PIK3R1: variants seen among roughly 807,000 people sequenced by gnomAD.
PIK3R1 encodes the protein phosphoinositide-3-kinase regulatory subunit 1, also known as phosphatidylinositol 3-kinase regulatory subunit alpha.
In PIK3R1, 29 loss-of-function variants were observed where a neutral mutation model predicts 98.0. The ratio of observed to expected loss-of-function variants is 0.30; its 90% CI spans 0.22 to 0.40. The LOEUF (loss-of-function observed/expected upper bound fraction) is 0.40, where lower values mean the gene tolerates loss of function less well. PIK3R1 is among the 10% of genes least tolerant of loss of function. The pLI, the probability that PIK3R1 is intolerant of heterozygous loss-of-function variation, is 1.00. For missense variants in PIK3R1, 596 were observed against 872.7 expected (o/e 0.68, Z 3.99); for synonymous variants, 282 against 311.8 (o/e 0.90, Z 1.01).
chr5:68,262,808 TATACATGTAG>T (rs1183160750), intron 2 of PIK3R1, among the ~76,000 whole-genome samples: 2 of 64,802 alleles, frequency 3.1e-5, no homozygotes, highest in Admixed American at 1.3e-4. Context: ...TAGATACATG[TATACATGTAG>T]ATACATGTAG....
chr5:68,254,772 A>G (rs560675833), intron 2 of PIK3R1, among the ~76,000 whole-genome samples: 3 of 152,022 alleles, frequency 2.0e-5, no homozygotes, highest in African/African-American at 4.8e-5. Flanking sequence ...TGTTTCTTTT[A>G]GGTCTTAAAA....
At chr5:68,242,448 T>G (rs1191519924) in intron 2 of PIK3R1, among the ~76,000 whole-genome samples, 3 of 147,514 alleles carry the variant, frequency 2.0e-5, no homozygotes, top group Non-Finnish European at 3.0e-5. Context: ...GTTTAATGAT[T>G]TTATTGGAAG....
intron 2 of PIK3R1, among the ~76,000 whole-genome samples, chr5:68,244,412 C>G (rs1436828126): frequency 6.8e-6 from 1 of 146,184 alleles, no homozygotes; most frequent in Admixed American, 7.1e-5. Flanking sequence ...ACTCAGTGGT[C>G]CTTGTGAAAA....
chr5:68,273,092 C>A (rs1218164708), intron 2 of PIK3R1, among the ~76,000 whole-genome samples: 1 of 152,062 alleles, frequency 6.6e-6, no homozygotes, highest in Non-Finnish European at 1.5e-5. Flanking sequence ...CCTGCCACTC[C>A]CCCCACCTTT....
chr5:68,286,862 A>T (rs1172063396), intron 7 of PIK3R1, among the ~76,000 whole-genome samples: 5 of 152,198 alleles, frequency 3.3e-5, no homozygotes, highest in Non-Finnish European at 5.9e-5. Flanking sequence ...CTAGCTTTAG[A>T]AAGGCTATTT....
In PIK3R1 at chr5:68,226,743, A is replaced by G; in HGVS notation, c.68A>G (p.Asp23Gly). 1 of 1,614,182 alleles carries G rather than the reference A, an allele frequency of 6.2e-7. No individual in the cohort carries two copies. The highest frequency in any genetic ancestry group is 8.5e-7 in the Non-Finnish European group (1 of 1,180,004). Reference protein sequence around the residue: ...DYKKEREEDIDLHLGDILTVN... With the variant: ...DYKKEREEDIGLHLGDILTVN... ...AAAAAGGAAAGAGAAGAAGATATTGACTTGCACTTGGGTGACATATTGACT... is the reference window on the plus strand; with the variant it reads ...AAAAAGGAAAGAGAAGAAGATATTGGCTTGCACTTGGGTGACATATTGACT... The change falls in exon 2 of 16, where the codon GAC becomes GGC. Residue 23 changes from aspartate to glycine, a missense_variant. Physicochemically the swap from Asp to Gly is moderately conservative, Grantham distance 94. Coordinates refer to ENST00000521381, the MANE Select transcript of PIK3R1 (RefSeq NM_181523.3).
rs778058990 is a variant in PIK3R1, at chr5:68,295,170, T to C, written c.1591T>C (p.Leu531=). The change falls in exon 13 of 16, where the codon TTG becomes CTG. Residue 531 remains leucine (L), a synonymous_variant. Transcript: ENST00000521381. ...CAGGATTATGCATAATTATGATAAG[T>C]TGAAGTCTCGAATCAGTGAAATTAT... The part of the protein sequence containing the change: ...IQRIMHNYDK[L]KSRISEIIDS... 2.5e-6 allele frequency: 4 copies of C among 1,613,830 alleles called. No homozygotes were observed. The highest frequency in any genetic ancestry group is 1.3e-5 in the African/African-American group (1 of 74,888).
Position 68,299,160 on chromosome 5 carries a change from G to A in PIK3R1, c.*1559G>A, listed in dbSNP as rs933416649. On this transcript the variant is annotated 3_prime_UTR_variant, in exon 16 of 16. Transcript: ENST00000521381. ...GCGCTCACCTTTGTTTAGAACACTG[G>A]TTTAAAGGGATAATCATCTCTGTCA... 1 of 233,270 alleles carries A rather than the reference G, an allele frequency of 4.3e-6. No homozygotes were observed. The highest frequency in any genetic ancestry group is 2.2e-5 in the African/African-American group (1 of 45,262). 14.5% of individuals were successfully genotyped at this position (233,270 alleles called of 1,614,324 possible).
chr5:68,273,802 G>T (rs1746459991), intron 3 of PIK3R1, 137 bp from the exon 4 acceptor site: 1 of 724,586 alleles, frequency 1.4e-6, no homozygotes, highest in South Asian at 1.8e-5. Flanking sequence ...AATAGTAGGA[G>T]TTGACTTCCA....
chr5:68,238,882 G>T (rs980206966), intron 2 of PIK3R1, among the ~76,000 whole-genome samples: 2 of 150,888 alleles, frequency 1.3e-5, no homozygotes, highest in African/African-American at 2.4e-5. Flanking sequence ...TTCTATTTAA[G>T]AATAATGTTA....
rs1194400291 is a variant in PIK3R1 at position 68,237,271 on chromosome 5, G to T, written c.334+10262G>T. Among the ~76,000 whole-genome samples the T allele has an allele frequency of 2.0e-5, 3 of 152,206 alleles. No homozygotes were observed. In the East Asian group the frequency reaches 5.8e-4, roughly 29 times the overall value. On this transcript the variant is annotated intron_variant, in intron 2 of 15. Transcript: ENST00000521381. ...TTGATTCAGATGAATCTGAAGTCTTGTACCTGAATTATGTCAAGGTTAGCA... is the reference window on the plus strand; with the variant it reads ...TTGATTCAGATGAATCTGAAGTCTTTTACCTGAATTATGTCAAGGTTAGCA...
chr5:68,295,582 T>C (rs1747670406), intron 14 of PIK3R1, 94 bp downstream of exon 14: 6 of 1,056,538 alleles, frequency 5.7e-6, no homozygotes, highest in Non-Finnish European at 8.8e-6. Context: ...TGAGGAATTT[T>C]ACTGAGTTTG....
intron 2 of PIK3R1, among the ~76,000 whole-genome samples, chr5:68,243,342 A>C (rs1442259958): frequency 2.0e-5 from 3 of 152,194 alleles, no homozygotes; most frequent in African/African-American, 7.2e-5. Flanking sequence ...AACTTTGAAA[A>C]GTTTTGATGT....
intron 2 of PIK3R1, among the ~76,000 whole-genome samples, chr5:68,233,423 G>C (rs895947883): frequency 6.6e-6 from 1 of 152,174 alleles, no homozygotes; most frequent in Non-Finnish European, 1.5e-5. Context: ...TATAGCATTC[G>C]ATATCAAAGC....
chr5:68,262,130 T>A (rs756356390), intron 2 of PIK3R1, among the ~76,000 whole-genome samples: 2 of 152,090 alleles, frequency 1.3e-5, no homozygotes, highest in Non-Finnish European at 2.9e-5. Context: ...CTACAGATTG[T>A]TAACAGCGTA....
intron 7 of PIK3R1, among the ~76,000 whole-genome samples, chr5:68,281,337 A>G (rs952594740): frequency 6.6e-6 from 1 of 152,184 alleles, no homozygotes; most frequent in African/African-American, 2.4e-5. Flanking sequence ...TTTCTTTCTA[A>G]TACTTACAAA....
In PIK3R1 at chr5:68,293,844, CTATGAAAATCAGAT is replaced by C. The variant is rs1164331803; in HGVS notation, c.1425+13_1425+26del. ...TACCCGCACATCCCAGGTGAGTTTT[CTATGAAAATCAGAT>C]TAAAAAATAAGAGTTCTAAACTTTT... On this transcript the variant is annotated intron_variant, in intron 11 of 15. Transcript: ENST00000521381. 2 of 1,543,046 alleles carry C rather than the reference CTATGAAAATCAGAT, an allele frequency of 1.3e-6. No individual in the cohort carries two copies. The highest frequency in any genetic ancestry group is 1.7e-6 in the Non-Finnish European group (2 of 1,149,068).
intron 2 of PIK3R1, among the ~76,000 whole-genome samples, chr5:68,257,141 T>C (rs7709991): frequency 0.27 from 41,118 of 152,096 alleles, 6,811 homozygotes; most frequent in African/African-American, 0.47. Flanking sequence ...ACTGCTTTTT[T>C]CCCTTCAGCA....
intron 8 of PIK3R1, 151 bp downstream of exon 8, chr5:68,292,512 C>T: frequency 6.6e-7 from 1 of 1,506,892 alleles, no homozygotes; most frequent in Non-Finnish European, 8.9e-7. Flanking sequence ...AGTCACTGAG[C>T]ACTGGAGAAC....
Sources: allele counts gnomAD v4.1 joint callset (sites outside exome capture counted in the v4.1 genomes callset), GRCh38; gene constraint gnomAD v4.1.1; transcripts MANE v1.5; gene names NCBI Gene and HGNC (gene_info 2026-07-23, HGNC 2026-07-21).